The following CDH12 variants were observed in gnomAD, a reference collection of about 807,000 sequenced individuals.
CDH12 encodes the protein cadherin 12.
Under a neutral mutation model 74.1 loss-of-function variants are expected in CDH12, and 41 were observed. The ratio of observed to expected loss-of-function variants is 0.55; its 90% CI spans 0.43 to 0.72. The LOEUF (loss-of-function observed/expected upper bound fraction) is 0.72. CDH12 is among the 30% of genes least tolerant of loss of function. CDH12 has a pLI of 0.00. For synonymous variants in CDH12, 399 were observed against 355.0 expected (o/e 1.12, Z -1.39); for missense variants, 945 against 977.2 (o/e 0.97, Z 0.44).
chr5:22,723,565 C>T (rs985789450), intron 1 of CDH12, among the ~76,000 whole-genome samples: 8 of 152,008 alleles, frequency 5.3e-5, no homozygotes, highest in Non-Finnish European at 7.4e-5. Flanking sequence ...AAAACATTCC[C>T]CTTATTCTAG....
chr5:21,878,572 T>TA (rs1350952483), intron 6 of CDH12, among the ~76,000 whole-genome samples: 139 of 14,474 alleles, frequency 9.6e-3, no homozygotes, highest in African/African-American at 0.019. Flanking sequence ...CTACCAAAAA[T>TA]ACAAAAAAAA....
chr5:22,332,388 C>T (rs1739387454), intron 3 of CDH12, among the ~76,000 whole-genome samples: 1 of 152,026 alleles, frequency 6.6e-6, no homozygotes, highest in Non-Finnish European at 1.5e-5. Flanking sequence ...AATACTTTTA[C>T]CCTAGAATAG....
At chr5:22,831,661 C>T (rs1374816724) in intron 1 of CDH12, among the ~76,000 whole-genome samples, 4 of 151,946 alleles carry the variant, frequency 2.6e-5, no homozygotes, top group African/African-American at 9.7e-5. Flanking sequence ...CATTGGGAGC[C>T]CGAGGCGGGT....
At chr5:22,494,323 G>T (rs1048180949) in intron 2 of CDH12, among the ~76,000 whole-genome samples, 3 of 152,156 alleles carry the variant, frequency 2.0e-5, no homozygotes, top group African/African-American at 7.2e-5. Context: ...TGGTGTGAGT[G>T]GGTGTGGATG....
At chr5:21,787,607 T>C (rs1746267557) in intron 10 of CDH12, among the ~76,000 whole-genome samples, 1 of 152,144 alleles carries the variant, frequency 6.6e-6, no homozygotes, top group Non-Finnish European at 1.5e-5. Context: ...ACCTGCAATA[T>C]ATCCAGGGTA....
chr5:22,709,582 A>G (rs1743193095), intron 1 of CDH12, among the ~76,000 whole-genome samples: 1 of 152,200 alleles, frequency 6.6e-6, no homozygotes, highest in Non-Finnish European at 1.5e-5. Context: ...TACATGGGCT[A>G]TTTATAAAAA....
At chr5:22,482,215 A>C (rs1561437219) in intron 2 of CDH12, among the ~76,000 whole-genome samples, 1 of 152,178 alleles carries the variant, frequency 6.6e-6, no homozygotes, top group Non-Finnish European at 1.5e-5. Context: ...TTCAGATAAG[A>C]AAACCGAGTT....
At chr5:22,811,121 A>C (rs1749126631) in intron 1 of CDH12, among the ~76,000 whole-genome samples, 1 of 151,782 alleles carries the variant, frequency 6.6e-6, no homozygotes, top group South Asian at 2.1e-4. Flanking sequence ...ATACATATAC[A>C]TATATACACA....
intron 3 of CDH12, among the ~76,000 whole-genome samples, chr5:22,349,910 G>C (rs1740288955): frequency 6.6e-6 from 1 of 152,126 alleles, no homozygotes; most frequent in East Asian, 1.9e-4. Flanking sequence ...TTGTCAACCA[G>C]TAGTTCATTG....
chr5:22,438,019 T>C (rs959581714), intron 2 of CDH12, among the ~76,000 whole-genome samples: 1 of 152,004 alleles, frequency 6.6e-6, no homozygotes, highest in African/African-American at 2.4e-5. Flanking sequence ...TACTCCATAA[T>C]TTTTTTAGGG....
At chr5:22,172,729 T>C (rs1749104231) in intron 4 of CDH12, among the ~76,000 whole-genome samples, 1 of 151,812 alleles carries the variant, frequency 6.6e-6, no homozygotes, top group Non-Finnish European at 1.5e-5. Flanking sequence ...TTATATTTTA[T>C]TGAATGCATT....
chr5:22,362,101 CCTT>C (rs1740829315), intron 3 of CDH12, among the ~76,000 whole-genome samples: 2 of 152,056 alleles, frequency 1.3e-5, no homozygotes, highest in Non-Finnish European at 2.9e-5. Context: ...AAACTAAAGA[CCTT>C]CTGCACAGCA....
chr5:22,835,093 G>A (rs1281890636), intron 1 of CDH12, among the ~76,000 whole-genome samples: 1 of 151,888 alleles, frequency 6.6e-6, no homozygotes, highest in Non-Finnish European at 1.5e-5. Context: ...GAAGGATTTC[G>A]AAGATGTCTC....
At chr5:22,429,543 C>T (rs1321713415) in intron 2 of CDH12, among the ~76,000 whole-genome samples, 1 of 152,144 alleles carries the variant, frequency 6.6e-6, no homozygotes, top group East Asian at 1.9e-4. Context: ...CTTTCTATGA[C>T]CCTTCTTGTT....
At chr5:22,154,554 C>CAT (rs1169853012) in intron 4 of CDH12, among the ~76,000 whole-genome samples, 11 of 148,560 alleles carry the variant, frequency 7.4e-5, no homozygotes, top group Admixed American at 4.7e-4. Flanking sequence ...TATGTGTACA[C>CAT]ATATATATAC....
At chr5:22,319,022 TA>T (rs1207909398) in intron 3 of CDH12, among the ~76,000 whole-genome samples, 1 of 152,210 alleles carries the variant, frequency 6.6e-6, no homozygotes, top group African/African-American at 2.4e-5. Flanking sequence ...AATATGACTT[TA>T]CATAACCTTA....
At chr5:22,356,350 T>G (rs1740562845) in intron 3 of CDH12, among the ~76,000 whole-genome samples, 1 of 152,176 alleles carries the variant, frequency 6.6e-6, no homozygotes, top group Admixed American at 6.5e-5. Context: ...TTATGCAGCT[T>G]ATCTGAATTC....
In CDH12 at chr5:21,893,389, G is replaced by A. The variant is rs939473168; in HGVS notation, c.527-38599C>T. On this transcript the variant is annotated intron_variant, in intron 6 of 14. Coordinates refer to ENST00000382254, the MANE Select transcript of CDH12 (RefSeq NM_004061.5). Reference sequence around the variant, plus strand: ...AATGAAGTCCAGAAAGGCATAATGAGTTCAGAAATTGGCCCATTAGAAAAG... The same window carrying A: ...AATGAAGTCCAGAAAGGCATAATGAATTCAGAAATTGGCCCATTAGAAAAG... Among the ~76,000 whole-genome samples, 5 of 152,248 alleles carry A rather than the reference G, an allele frequency of 3.3e-5. 1 individual carries two copies. The highest frequency in any genetic ancestry group is 3.3e-4 in the Admixed American group (5 of 15,298).
At chr5:22,170,370 T>C (rs1239324562) in intron 4 of CDH12, among the ~76,000 whole-genome samples, 1 of 151,898 alleles carries the variant, frequency 6.6e-6, no homozygotes, top group Non-Finnish European at 1.5e-5. Context: ...TTTCACATAC[T>C]AACATTTCCT....
Sources: allele counts gnomAD v4.1 joint callset (sites outside exome capture counted in the v4.1 genomes callset), GRCh38; gene constraint gnomAD v4.1.1; transcripts MANE v1.5; gene names NCBI Gene and HGNC (gene_info 2026-07-23, HGNC 2026-07-21).